Variants in FNDC3B observed in about 807,000 individuals in gnomAD.
The protein encoded by FNDC3B is fibronectin type III domain-containing protein 3B.
In FNDC3B, 12 loss-of-function variants were observed where a neutral mutation model predicts 151.5. The ratio of observed to expected loss-of-function variants is 0.08; its 90% CI spans 0.05 to 0.13. The LOEUF is 0.13. Ranked by LOEUF, FNDC3B falls within the 10% of genes least tolerant of loss-of-function variation. The pLI is 1.00. For missense variants in FNDC3B, 1,214 were observed against 1,505.3 expected (o/e 0.81, Z 3.20); for synonymous variants, 528 against 549.0 (o/e 0.96, Z 0.54).
chr3:172,364,296 G>A (rs1402878276), intron 23 of FNDC3B, among the ~76,000 whole-genome samples: 1 of 152,206 alleles, frequency 6.6e-6, no homozygotes, highest in Non-Finnish European at 1.5e-5. Flanking sequence ...ACTAGCATTG[G>A]GGGAAATTTT....
intron 3 of FNDC3B, among the ~76,000 whole-genome samples, chr3:172,210,343 T>C (rs1219524366): frequency 6.6e-6 from 1 of 152,154 alleles, no homozygotes; most frequent in Non-Finnish European, 1.5e-5. Context: ...TTTCCTTAAT[T>C]TTCTTTTTTT....
chr3:172,202,807 C>T lies in FNDC3B; in HGVS notation c.188-24064C>T, dbSNP rs2108692090. Among the ~76,000 whole-genome samples the T allele has an allele frequency of 1.3e-5, 2 of 152,270 alleles. 1 individual carries two copies. Among genetic ancestry groups the T allele is most frequent in the South Asian group, 4.1e-4 (2 of 4,822 alleles). ...TGAAAGCACATTCATAATTTTGCTCCACATTCATGATTTGGCTTAAACAAA... is the reference window on the plus strand; with the variant it reads ...TGAAAGCACATTCATAATTTTGCTCTACATTCATGATTTGGCTTAAACAAA... On this transcript the variant is annotated intron_variant, in intron 3 of 25. Transcript: ENST00000415807.
chr3:172,319,217 G>T (rs1731963366), intron 11 of FNDC3B, among the ~76,000 whole-genome samples: 2 of 152,028 alleles, frequency 1.3e-5, no homozygotes, highest in African/African-American at 4.8e-5. Flanking sequence ...GACTGCCTTG[G>T]GCCTTCACTA....
At chr3:172,175,106 C>T (rs1560001657) in intron 3 of FNDC3B, among the ~76,000 whole-genome samples, 1 of 151,912 alleles carries the variant, frequency 6.6e-6, no homozygotes, top group African/African-American at 2.4e-5. Flanking sequence ...CTGCTGCATT[C>T]CCTGGATTTG....
At chr3:172,291,197 G>T (rs542924866) in intron 7 of FNDC3B, among the ~76,000 whole-genome samples, 1 of 152,070 alleles carries the variant, frequency 6.6e-6, no homozygotes, top group African/African-American at 2.4e-5. Flanking sequence ...AGGACAATGC[G>T]GTTTTATAAT....
At chr3:172,270,930 G>A (rs567609965) in intron 6 of FNDC3B, among the ~76,000 whole-genome samples, 2 of 152,350 alleles carry the variant, frequency 1.3e-5, no homozygotes, top group East Asian at 3.9e-4. Context: ...ACAGCATGTA[G>A]CACAGTCAGT....
chr3:172,192,787 T>C (rs1222291164), intron 3 of FNDC3B, among the ~76,000 whole-genome samples: 2 of 152,140 alleles, frequency 1.3e-5, no homozygotes, highest in Admixed American at 1.3e-4. Context: ...ATGAAGAGCC[T>C]GTAGCCTCCA....
chr3:172,387,124 T>A (rs528020581), intron 25 of FNDC3B, among the ~76,000 whole-genome samples: 32 of 152,210 alleles, frequency 2.1e-4, no homozygotes, highest in Admixed American at 1.6e-3. Flanking sequence ...GCCAGGCTAA[T>A]TTTTGTATTT....
At chr3:172,102,803 A>G (rs1257660172) in intron 1 of FNDC3B, among the ~76,000 whole-genome samples, 1 of 152,190 alleles carries the variant, frequency 6.6e-6, no homozygotes, top group African/African-American at 2.4e-5. Context: ...AGACTTCCTC[A>G]AGGGGCTTTA....
chr3:172,295,676 G>C (rs1032573783), intron 8 of FNDC3B, among the ~76,000 whole-genome samples, 162 bp downstream of exon 8: 7 of 152,220 alleles, frequency 4.6e-5, no homozygotes, highest in African/African-American at 1.7e-4. Flanking sequence ...ATTGTGTCCA[G>C]AGTAATTCTT....
intron 1 of FNDC3B, among the ~76,000 whole-genome samples, chr3:172,048,820 A>G (rs538193356): frequency 3.3e-5 from 5 of 152,356 alleles, no homozygotes; most frequent in South Asian, 2.1e-4. Flanking sequence ...ACATGAATGA[A>G]TCTTGAAAAC....
At chr3:172,096,033 A>G (rs1719072439) in intron 1 of FNDC3B, among the ~76,000 whole-genome samples, 1 of 152,182 alleles carries the variant, frequency 6.6e-6, no homozygotes, top group Admixed American at 6.5e-5. Context: ...CATTGTTCTA[A>G]AATATCTTAA....
At chr3:172,395,426 A>G (rs184018311) in intron 25 of FNDC3B, among the ~76,000 whole-genome samples, 44 of 152,328 alleles carry the variant, frequency 2.9e-4, no homozygotes, top group Admixed American at 1.7e-3. Flanking sequence ...GATAATGTCT[A>G]AGTAAACTGG....
At position 172,180,661 on chromosome 3, in the gene FNDC3B, C is replaced by T. The variant is rs77056609; in HGVS notation, c.188-46210C>T. Reference sequence around the variant, plus strand: ...GGGATGTGGGAGAGGTCAAAGTTAGCTAGCGGGTTTGATCCGGAGTGTGGA... The same window carrying T: ...GGGATGTGGGAGAGGTCAAAGTTAGTTAGCGGGTTTGATCCGGAGTGTGGA... On this transcript the variant is annotated intron_variant, in intron 3 of 25. Coordinates refer to ENST00000415807, the MANE Select transcript of FNDC3B (RefSeq NM_022763.4). Among the ~76,000 whole-genome samples, 1,059 of 152,272 alleles carry T rather than the reference C, an allele frequency of 7.0e-3. 15 individuals are homozygous for T. The highest frequency in any genetic ancestry group is 0.024 in the African/African-American group (1,007 of 41,546).
chr3:172,198,556 C>G (rs1285723646), intron 3 of FNDC3B, among the ~76,000 whole-genome samples: 1 of 152,146 alleles, frequency 6.6e-6, no homozygotes, highest in Non-Finnish European at 1.5e-5. Context: ...GACACGTGTA[C>G]ATGTAACCAG....
intron 3 of FNDC3B, among the ~76,000 whole-genome samples, chr3:172,175,767 C>T (rs543665852): frequency 3.3e-5 from 5 of 152,188 alleles, no homozygotes; most frequent in East Asian, 1.9e-4. Flanking sequence ...AACCTTGTAC[C>T]GCGTTGGAGA....
chr3:172,046,545 A>G (rs1663603034), intron 1 of FNDC3B, among the ~76,000 whole-genome samples: 1 of 151,882 alleles, frequency 6.6e-6, no homozygotes, highest in African/African-American at 2.4e-5. Flanking sequence ...CTGGTCTCTA[A>G]CTTCTGGCTT....
chr3:172,289,162 G>A (rs1462505082), intron 7 of FNDC3B, among the ~76,000 whole-genome samples: 1 of 152,122 alleles, frequency 6.6e-6, no homozygotes, highest in Non-Finnish European at 1.5e-5. Context: ...AGAGGCTTTG[G>A]GACAAAATCT....
chr3:172,117,755 G>A (rs1194215691), intron 2 of FNDC3B, among the ~76,000 whole-genome samples: 1 of 152,174 alleles, frequency 6.6e-6, no homozygotes, highest in Non-Finnish European at 1.5e-5. Flanking sequence ...GACCTGACTA[G>A]CATTTAGCAT....
Sources: gnomAD v4.1 joint callset for allele counts (sites outside exome capture counted in the v4.1 genomes callset) on GRCh38, gnomAD v4.1.1 for gene constraint, MANE v1.5 for transcripts, NCBI Gene and HGNC (gene_info 2026-07-23, HGNC 2026-07-21) for gene names.